The following ORC5 variants were observed in gnomAD, a reference collection of about 807,000 sequenced individuals.
The protein encoded by ORC5 is origin recognition complex subunit 5, also known as protein phosphatase 1, regulatory subunit 117.
In ORC5, 39 loss-of-function variants were observed where a neutral mutation model predicts 58.8. That is an observed-to-expected ratio of 0.66 (90% CI 0.51 to 0.87). The LOEUF is 0.87. ORC5 is among the 40% of genes least tolerant of loss of function. The pLI, the probability that ORC5 is intolerant of heterozygous loss-of-function variation, is 0.00. For synonymous variants in ORC5, 218 were observed against 177.6 expected (o/e 1.23, Z -1.81); for missense variants, 493 against 506.3 (o/e 0.97, Z 0.25).
chr7:104,153,544 GCT>G (rs1562809213), intron 12 of ORC5, among the ~76,000 whole-genome samples: 2 of 152,148 alleles, frequency 1.3e-5, no homozygotes, highest in Non-Finnish European at 1.5e-5. Flanking sequence ...TAGCATTCAA[GCT>G]ATTTTCTATG....
intron 8 of ORC5, among the ~76,000 whole-genome samples, chr7:104,172,419 T>C (rs901096612): frequency 1.2e-4 from 19 of 152,358 alleles, no homozygotes; most frequent in Middle Eastern, 3.4e-3. Context: ...AGTATCTTTG[T>C]AGTATTTCTG....
rs775173938 is a variant in ORC5, at chr7:104,136,848, C to A, written c.1195G>T (p.Asp399Tyr). 5 of 1,614,046 alleles carry A rather than the reference C, an allele frequency of 3.1e-6. No individual in the cohort carries two copies. The highest frequency in any genetic ancestry group is 4.2e-6 in the Non-Finnish European group (5 of 1,179,926). The part of the protein sequence containing the change: ...TLQLLTLVGH[D>Y]DQLDGPKYKC... The stretch of plus-strand genomic sequence containing the variant: ...TATTTTGGTCCATCAAGCTGATCGT[C>A]ATGGCCAACCAGGGTTAACAGCTGA... Residue 399 changes from aspartate (D) to tyrosine (Y), a missense_variant, in exon 13 of 14, where the codon GAC becomes TAC. This residue lies in a region of ORC5 where 77 missense variants were observed against 86.1 expected (regional missense o/e 0.89). Coordinates refer to ENST00000297431, the MANE Select transcript of ORC5 (RefSeq NM_002553.4). This position sits in a 1 kb window ranked among gnomAD's most constrained non-coding sequence, Gnocchi z 4.2.
chr7:104,176,832 T>G (rs371469387), intron 8 of ORC5, among the ~76,000 whole-genome samples: 1 of 152,232 alleles, frequency 6.6e-6, no homozygotes, highest in Non-Finnish European at 1.5e-5. Context: ...TGCCGGGATT[T>G]ATGGGCCGGG....
At chr7:104,172,134 A>G (rs1400969430) in intron 8 of ORC5, among the ~76,000 whole-genome samples, 1 of 152,218 alleles carries the variant, frequency 6.6e-6, no homozygotes, top group Non-Finnish European at 1.5e-5. Flanking sequence ...GGTATATAAA[A>G]TGAAGCTTGT....
At chr7:104,205,895 G>C (rs1380998807) in intron 1 of ORC5, among the ~76,000 whole-genome samples, 2 of 152,250 alleles carry the variant, frequency 1.3e-5, no homozygotes, top group East Asian at 3.9e-4. Flanking sequence ...TGTGGTCCCA[G>C]CTACTCGGAG....
chr7:104,155,340 T>C (rs1584489775), intron 12 of ORC5, among the ~76,000 whole-genome samples: 1 of 151,702 alleles, frequency 6.6e-6, no homozygotes, highest in African/African-American at 2.4e-5. Flanking sequence ...TTTTTTATTA[T>C]GTACAACTAA....
chr7:104,126,619 T>C lies in ORC5; in HGVS notation c.*229A>G, dbSNP rs1163233535. ...GATTGTGCTCAAACCCTGCTGTTTA[T>C]AATTAACACGTTGCTTCCAAATACT... On this transcript the variant is annotated 3_prime_UTR_variant, in exon 14 of 14. Coordinates refer to ENST00000297431, the MANE Select transcript of ORC5 (RefSeq NM_002553.4). The C allele has an allele frequency of 2.2e-6, 1 of 463,906 alleles. No individual in the cohort carries two copies. The highest frequency in any genetic ancestry group is 3.8e-6 in the Non-Finnish European group (1 of 263,972). The allele number at this position is 463,906 out of a possible 1,614,324, so 28.7% of individuals were successfully genotyped here.
intron 5 of ORC5, 125 bp from the exon 6 acceptor site, chr7:104,188,506 A>G: frequency 1.6e-6 from 1 of 608,380 alleles, no homozygotes; most frequent in South Asian, 3.0e-5. Context: ...AGGAATAATA[A>G]AACTATTACA....
chr7:104,184,359 G>A, intron 6 of ORC5, 188 bp from the exon 7 acceptor site: 1 of 567,156 alleles, frequency 1.8e-6, no homozygotes, highest in Non-Finnish European at 3.1e-6. Context: ...GAGGCAGGGG[G>A]ATTGCTTGAG....
At chr7:104,144,735 C>T (rs528855847) in intron 12 of ORC5, among the ~76,000 whole-genome samples, 1 of 152,194 alleles carries the variant, frequency 6.6e-6, no homozygotes, top group Non-Finnish European at 1.5e-5. Context: ...CCACCCTGGG[C>T]AACAGAACGA....
chr7:104,146,488 T>C (rs573816935), intron 12 of ORC5, among the ~76,000 whole-genome samples: 11 of 152,336 alleles, frequency 7.2e-5, no homozygotes, highest in African/African-American at 2.6e-4. Context: ...TTAAAATGAA[T>C]GAACTATTAA....
intron 12 of ORC5, among the ~76,000 whole-genome samples, chr7:104,148,320 A>G (rs1375767498): frequency 6.6e-6 from 1 of 152,220 alleles, no homozygotes; most frequent in Non-Finnish European, 1.5e-5. Flanking sequence ...GAGCTATAGA[A>G]TACAAAGAGA....
intron 12 of ORC5, among the ~76,000 whole-genome samples, chr7:104,141,697 G>A (rs1467558814): frequency 5.9e-5 from 9 of 151,748 alleles, no homozygotes; most frequent in East Asian, 3.9e-4. Flanking sequence ...ATCAAAAAAC[G>A]AAATTTAAAA....
intron 5 of ORC5, among the ~76,000 whole-genome samples, 162 bp downstream of exon 5, chr7:104,194,981 T>C (rs557334843): frequency 3.4e-4 from 42 of 122,568 alleles, no homozygotes; most frequent in African/African-American, 1.7e-3. Context: ...ATATTCCCAT[T>C]TCAATATCAA....
At chr7:104,143,804 C>T (rs1255889323) in intron 12 of ORC5, among the ~76,000 whole-genome samples, 1 of 151,988 alleles carries the variant, frequency 6.6e-6, no homozygotes, top group Non-Finnish European at 1.5e-5. Flanking sequence ...AATAGATATT[C>T]AGAAGAATAT....
In ORC5 at chr7:104,126,941, C is replaced by T. The variant is rs768863016; in HGVS notation, c.1263-48G>A. Reference sequence around the variant, plus strand: ...TGTTAGCATTCTCACCCCTAGATTGCTCAGCTTTGTATGATTCTGGAAAGC... The same window carrying T: ...TGTTAGCATTCTCACCCCTAGATTGTTCAGCTTTGTATGATTCTGGAAAGC... On this transcript the variant is annotated intron_variant, in intron 13 of 13. Transcript: ENST00000297431. 3.7e-6 allele frequency: 5 copies of T among 1,357,584 alleles called. No individual in the cohort carries two copies. The South Asian group carries it at 6.1e-5, about 17-fold the overall frequency. The allele number at this position is 1,357,584 out of a possible 1,614,324, so 84.1% of individuals were successfully genotyped here. A position where few individuals can be genotyped will look rare whatever the true frequency, so the allele number is the denominator to read the frequency against.
intron 1 of ORC5, among the ~76,000 whole-genome samples, chr7:104,206,134 T>C (rs960233775): frequency 1.1e-4 from 17 of 152,230 alleles, no homozygotes; most frequent in Admixed American, 5.2e-4. Context: ...TAGAATTATA[T>C]TGAACTGTTC....
rs554636769 is a variant in ORC5, at chr7:104,205,098, T to G, written c.73-864A>C. On this transcript the variant is annotated intron_variant, in intron 1 of 13. Coordinates refer to ENST00000297431, the MANE Select transcript of ORC5 (RefSeq NM_002553.4). ...TTTTAATAATACTCTTTTTTTTTTT[T>G]TTTTTTTTTGAGATGGAGTCTCACC... 3.4e-3 allele frequency among the ~76,000 whole-genome samples: 472 copies of G among 140,888 alleles called. 11 individuals carry two copies. The highest frequency in any genetic ancestry group is 0.011 in the African/African-American group (421 of 37,500). The allele number at this position is 140,888 out of a possible 152,430, so 92.4% of individuals were successfully genotyped here. A position where few individuals can be genotyped will look rare whatever the true frequency, so the allele number is the denominator to read the frequency against.
Position 104,132,876 on chromosome 7 carries a change from C to T in ORC5, c.1262+3905G>A, listed in dbSNP as rs550720148. On this transcript the variant is annotated intron_variant, in intron 13 of 13. Transcript: ENST00000297431. ...GGTGGTTGTGGTATTTGTGAGAAGGCGTCTTTAAGGAGCAGACATTTAAAC... is the reference window on the plus strand; with the variant it reads ...GGTGGTTGTGGTATTTGTGAGAAGGTGTCTTTAAGGAGCAGACATTTAAAC... Among the ~76,000 whole-genome samples the T allele has an allele frequency of 2.3e-3, 348 of 151,786 alleles. 4 individuals carry two copies. Among genetic ancestry groups the T allele is most frequent in the Non-Finnish European group, 3.7e-3 (248 of 67,936 alleles).
Sources: gnomAD v4.1 joint callset for allele counts (sites outside exome capture counted in the v4.1 genomes callset) on GRCh38, gnomAD v4.1.1 for gene constraint, gnomAD v4.1.1 regional missense constraint, Gnocchi (gnomAD v3.1) non-coding constraint, MANE v1.5 for transcripts, NCBI Gene and HGNC (gene_info 2026-07-23, HGNC 2026-07-21) for gene names.